Variants in PLPP4 observed in about 807,000 individuals in gnomAD.
PLPP4 encodes phospholipid phosphatase 4.
A neutral mutation model predicts 32.2 loss-of-function variants in PLPP4; 20 were observed. That is an observed-to-expected ratio of 0.62 (90% CI 0.44 to 0.90). PLPP4 has a LOEUF of 0.90. PLPP4 is among the 40% of genes least tolerant of loss of function. PLPP4 has a pLI of 0.00. For missense variants in PLPP4, 257 were observed against 353.1 expected (o/e 0.73, Z 2.18); for synonymous variants, 127 against 133.0 (o/e 0.95, Z 0.31).
intron 5 of PLPP4, among the ~76,000 whole-genome samples, chr10:120,564,282 T>C (rs1386218480): frequency 6.6e-6 from 1 of 152,094 alleles, no homozygotes; most frequent in Non-Finnish European, 1.5e-5. Context: ...TTTTTCTTGT[T>C]ATATCTTCAA....
chr10:120,549,250 C>T (rs4752433), intron 5 of PLPP4, among the ~76,000 whole-genome samples: 144,179 of 151,328 alleles, frequency 0.95, 68,767 homozygotes, highest in East Asian at 0.99. Flanking sequence ...AAAAGATAAT[C>T]TTGTGAGCGG....
rs537349224 is a variant in PLPP4, at chr10:120,463,173, C to T, written c.56+5812C>T. On this transcript the variant is annotated intron_variant, in intron 1 of 6. Coordinates refer to ENST00000398250, the MANE Select transcript of PLPP4 (RefSeq NM_001030059.3). ...CTCCCAGTAGCTGGGACTACAGGTGCCCGCCACCACGCCTGGCTAATTTTT... is the reference window on the plus strand; with the variant it reads ...CTCCCAGTAGCTGGGACTACAGGTGTCCGCCACCACGCCTGGCTAATTTTT... Among the ~76,000 whole-genome samples the T allele has an allele frequency of 3.8e-3, 570 of 151,880 alleles. 4 individuals carry two copies. The Middle Eastern group carries it at 0.041, about 11-fold the overall frequency.
At chr10:120,469,227 C>CTT (rs540404965) in intron 1 of PLPP4, among the ~76,000 whole-genome samples, 2 of 32,250 alleles carry the variant, frequency 6.2e-5, no homozygotes, top group Non-Finnish European at 1.9e-4. Flanking sequence ...GGAACTGCAA[C>CTT]TTTTTTTTTT....
intron 2 of PLPP4, among the ~76,000 whole-genome samples, chr10:120,510,643 TG>T (rs1845687860): frequency 6.6e-6 from 1 of 152,136 alleles, no homozygotes; most frequent in Non-Finnish European, 1.5e-5. Context: ...AGTGAGGTGG[TG>T]GGGTGCTTAC....
intron 5 of PLPP4, among the ~76,000 whole-genome samples, chr10:120,566,290 T>G (rs1270569910): frequency 6.6e-6 from 1 of 152,216 alleles, no homozygotes; most frequent in African/African-American, 2.4e-5. Flanking sequence ...TACTTTGATG[T>G]CTGGGTTGAA....
At chr10:120,521,128 C>G (rs755886700) in intron 5 of PLPP4, 33 bp downstream of exon 5, 3 of 1,611,820 alleles carry the variant, frequency 1.9e-6, no homozygotes, top group South Asian at 1.1e-5. Flanking sequence ...CTTAATGCCC[C>G]CAGTCATGTT....
At chr10:120,463,098 G>A (rs889589088) in intron 1 of PLPP4, among the ~76,000 whole-genome samples, 79 of 145,974 alleles carry the variant, frequency 5.4e-4, no homozygotes, top group Non-Finnish European at 1.1e-3. Context: ...TGCGATCTCG[G>A]CTCACTGCAA....
At chr10:120,465,869 G>C (rs746871104) in intron 1 of PLPP4, among the ~76,000 whole-genome samples, 1 of 152,102 alleles carries the variant, frequency 6.6e-6, no homozygotes, top group Non-Finnish European at 1.5e-5. Flanking sequence ...GTGTTTTTGA[G>C]ATTTATCTCT....
At chr10:120,515,329 T>C (rs1046351621) in intron 3 of PLPP4, among the ~76,000 whole-genome samples, 1 of 152,178 alleles carries the variant, frequency 6.6e-6, no homozygotes, top group African/African-American at 2.4e-5. Context: ...CTCCTCACAC[T>C]CCCAGCCTGA....
chr10:120,498,654 C>CTTTTTTTT (rs11287636), intron 1 of PLPP4, among the ~76,000 whole-genome samples: 1 of 143,412 alleles, frequency 7.0e-6, no homozygotes. Flanking sequence ...CTCTTCTATT[C>CTTTTTTTT]TTTTTTTTTT....
rs1235409417 is a variant in PLPP4, at chr10:120,591,893, A to G, written c.*2391A>G. ...GATTAAAATATAATTCAAATTACAGATGATGTAATAACATGAAGCTGGTGG... is the reference window on the plus strand; with the variant it reads ...GATTAAAATATAATTCAAATTACAGGTGATGTAATAACATGAAGCTGGTGG... On this transcript the variant is annotated 3_prime_UTR_variant, in exon 7 of 7. Transcript: ENST00000398250. Among the ~76,000 whole-genome samples, 5 of 152,242 alleles carry G rather than the reference A, an allele frequency of 3.3e-5. No homozygotes were observed. The highest frequency in any genetic ancestry group is 7.3e-5 in the Non-Finnish European group (5 of 68,056).
chr10:120,465,231 T>C (rs916987007), intron 1 of PLPP4, among the ~76,000 whole-genome samples: 2 of 152,208 alleles, frequency 1.3e-5, no homozygotes, highest in African/African-American at 4.8e-5. Flanking sequence ...AAACACTGTT[T>C]TTACAGTGAG....
At chr10:120,502,894 G>A (rs1845327309) in intron 1 of PLPP4, among the ~76,000 whole-genome samples, 1 of 152,120 alleles carries the variant, frequency 6.6e-6, no homozygotes, top group Non-Finnish European at 1.5e-5. Flanking sequence ...CCGCTCCCCT[G>A]CGCTCCTCAT....
Position 120,518,819 on chromosome 10 carries a change from G to T in PLPP4, c.257-14G>T. The T allele has an allele frequency of 6.2e-7, 1 of 1,608,992 alleles. No homozygotes were observed. Among genetic ancestry groups the T allele is most frequent in the Non-Finnish European group, 8.5e-7 (1 of 1,177,420 alleles). On this transcript the variant is annotated splice_polypyrimidine_tract_variant and intron_variant, in intron 3 of 6. Coordinates refer to ENST00000398250, the MANE Select transcript of PLPP4 (RefSeq NM_001030059.3). ...CAGCTTGCTATTTTTCTGTCTGTTG[G>T]TTTTGTTTTGTAGCGGTGTCCTTGG...
At chr10:120,576,323 G>A (rs937146913) in intron 6 of PLPP4, among the ~76,000 whole-genome samples, 1 of 152,208 alleles carries the variant, frequency 6.6e-6, no homozygotes, top group East Asian at 1.9e-4. Context: ...CTGTTGCTGG[G>A]CATTGTTCAC....
rs530047134 is a variant in PLPP4 at position 120,463,171 on chromosome 10, T to C, written c.56+5810T>C. On this transcript the variant is annotated intron_variant, in intron 1 of 6. Coordinates refer to ENST00000398250, the MANE Select transcript of PLPP4 (RefSeq NM_001030059.3). ...GCCTCCCAGTAGCTGGGACTACAGG[T>C]GCCCGCCACCACGCCTGGCTAATTT... Among the ~76,000 whole-genome samples the C allele has an allele frequency of 3.1e-4, 47 of 151,784 alleles. No homozygotes were observed. In the South Asian group the frequency reaches 5.2e-3, roughly 17 times the overall value.
At chr10:120,525,260 G>A (rs1317584022) in intron 5 of PLPP4, among the ~76,000 whole-genome samples, 3 of 152,112 alleles carry the variant, frequency 2.0e-5, no homozygotes, top group African/African-American at 4.8e-5. Flanking sequence ...CCTTGCAGTC[G>A]CCCATGCTCC....
intron 6 of PLPP4, among the ~76,000 whole-genome samples, chr10:120,578,416 A>T (rs1849324821): frequency 6.6e-6 from 1 of 152,254 alleles, no homozygotes; most frequent in Admixed American, 6.5e-5. Context: ...ATGGAGCCCC[A>T]TTAGCATCAG....
chr10:120,459,616 G>C (rs1327549424), intron 1 of PLPP4, among the ~76,000 whole-genome samples: 1 of 152,222 alleles, frequency 6.6e-6, no homozygotes. Context: ...CAGGGGTTTA[G>C]AAAGTGCCCC....
Sources: gnomAD v4.1 joint callset for allele counts (sites outside exome capture counted in the v4.1 genomes callset) on GRCh38, gnomAD v4.1.1 for gene constraint, MANE v1.5 for transcripts, NCBI Gene and HGNC (gene_info 2026-07-23, HGNC 2026-07-21) for gene names.